The following ZNF480 variants were observed in gnomAD, a reference collection of about 807,000 sequenced individuals.
ZNF480 encodes zinc finger protein 480.
In ZNF480, 15 loss-of-function variants were observed where a neutral mutation model predicts 14.4. That is an observed-to-expected ratio of 1.04 (90% CI 0.70 to 1.60). The LOEUF (loss-of-function observed/expected upper bound fraction) is 1.60, where lower values mean the gene tolerates loss of function less well. Among genes scored for constraint, ZNF480 ranks in the 40% most tolerant of loss-of-function variants. The pLI is 0.00. For missense variants in ZNF480, 593 were observed against 629.7 expected (o/e 0.94, Z 0.62); for synonymous variants, 218 against 215.5 (o/e 1.01, Z -0.10).
At chr19:52,298,205 T>C (rs2122505970) in intron 1 of ZNF480, among the ~76,000 whole-genome samples, 1 of 150,882 alleles carries the variant, frequency 6.6e-6, no homozygotes, top group South Asian at 2.1e-4. Flanking sequence ...AGGAGTCAGC[T>C]GGTGACAACG....
At chr19:52,315,775 CAT>C in intron 3 of ZNF480, 57 bp from the exon 4 acceptor site, 1 of 1,558,960 alleles carries the variant, frequency 6.4e-7, no homozygotes. Flanking sequence ...CCTTCCTACA[CAT>C]AGGGCTTGGA....
rs1383686226 is a variant in ZNF480 at position 52,325,051 on chromosome 19, C to T, written c.*2193C>T. ...GATCTAATCCAGAATCTATAAAGAA[C>T]TCAAACAAATCAACAATGAGAAAAA... On this transcript the variant is annotated 3_prime_UTR_variant, in exon 5 of 5. Transcript: ENST00000595962. The T allele has an allele frequency of 2.0e-5, 3 of 152,076 alleles. No individual in the cohort carries two copies. The highest frequency in any genetic ancestry group is 7.2e-5 in the African/African-American group (3 of 41,418). 9.4% of individuals were successfully genotyped at this position (152,076 alleles called of 1,614,324 possible).
In ZNF480 at chr19:52,322,886, A is replaced by G. The variant is rs1798721995; in HGVS notation, c.*28A>G. 1.3e-6 allele frequency: 2 copies of G among 1,533,136 alleles called. No individual in the cohort carries two copies. Among genetic ancestry groups the G allele is most frequent in the African/African-American group, 2.7e-5 (2 of 72,850 alleles). 95.0% of individuals were successfully genotyped at this position (1,533,136 alleles called of 1,614,324 possible). A position where few individuals can be genotyped will look rare whatever the true frequency, so the allele number is the denominator to read the frequency against. On this transcript the variant is annotated 3_prime_UTR_variant, in exon 5 of 5. Transcript: ENST00000595962. The stretch of plus-strand genomic sequence containing the variant: ...ACTACAAATGCAACAAATGCGTCAA[A>G]GAATTTAGTGTGCACTCAAGCCTTA...
intron 4 of ZNF480, among the ~76,000 whole-genome samples, chr19:52,320,174 C>T (rs1352597762): frequency 6.6e-6 from 1 of 152,102 alleles, no homozygotes; most frequent in Non-Finnish European, 1.5e-5. Flanking sequence ...GGTGCTCTAT[C>T]CATCTGCTGT....
chr19:52,307,934 G>C (rs1266674914), intron 2 of ZNF480, among the ~76,000 whole-genome samples: 3 of 152,182 alleles, frequency 2.0e-5, no homozygotes, highest in African/African-American at 7.2e-5. Context: ...CATTGCTGCA[G>C]AAATCCTATT....
chr19:52,298,768 G>C (rs980704342), intron 1 of ZNF480, among the ~76,000 whole-genome samples: 2 of 151,860 alleles, frequency 1.3e-5, no homozygotes, highest in Non-Finnish European at 2.9e-5. Flanking sequence ...AAGGAAGAAG[G>C]GGAGAAACAT....
chr19:52,310,791 G>A (rs1189136958), intron 2 of ZNF480, among the ~76,000 whole-genome samples: 3 of 151,618 alleles, frequency 2.0e-5, no homozygotes, highest in Non-Finnish European at 4.4e-5. Flanking sequence ...ACGAGGTCAG[G>A]AGATCGAGAC....
intron 2 of ZNF480, among the ~76,000 whole-genome samples, chr19:52,302,335 T>C (rs1431257155): frequency 6.6e-6 from 1 of 152,256 alleles, no homozygotes; most frequent in Non-Finnish European, 1.5e-5. Flanking sequence ...AGTTGCATAA[T>C]TGCAGTTCCA....
intron 4 of ZNF480, among the ~76,000 whole-genome samples, chr19:52,319,521 G>A (rs1983707164): frequency 6.6e-6 from 1 of 152,098 alleles, no homozygotes; most frequent in Non-Finnish European, 1.5e-5. Flanking sequence ...CTCTGTCTTT[G>A]ATGTTTGATA....
Position 52,315,861 on chromosome 19 carries a change from A to C in ZNF480, c.227A>C (p.Asn76Thr). The change falls in exon 4 of 5, where the codon AAC becomes ACC. Residue 76 changes from asparagine to threonine, a missense_variant. Asn to Thr is a moderately conservative substitution (Grantham distance 65, BLOSUM62 0). Coordinates refer to ENST00000595962, the MANE Select transcript of ZNF480 (RefSeq NM_144684.4). ...LGISLPDLNI[N>T]SMLEQRREPW... Reference sequence around the variant, plus strand: ...ATCTCTCTTCCTGACCTGAATATTAACTCCATGTTGGAGCAAAGGAGGGAG... The same window carrying C: ...ATCTCTCTTCCTGACCTGAATATTACCTCCATGTTGGAGCAAAGGAGGGAG... The C allele has an allele frequency of 6.2e-7, 1 of 1,611,796 alleles. No homozygotes were observed. Among genetic ancestry groups the C allele is most frequent in the East Asian group, 2.2e-5 (1 of 44,850 alleles).
chr19:52,302,101 A>G, intron 2 of ZNF480: 1 of 243,750 alleles, frequency 4.1e-6, no homozygotes, highest in Non-Finnish European at 8.1e-6. Flanking sequence ...AGGTGTCTTA[A>G]TGGTATCCAA....
At position 52,322,650 on chromosome 19, in the gene ZNF480, A is replaced by C; in HGVS notation, c.1400A>C (p.Lys467Thr). ...GAATGTGGCAAGGCATTCAGACACA[A>C]GTTATCACTAACCAATCATCAGAGA... ...CSECGKAFRH[K>T]LSLTNHQRIH... is the part of the protein sequence containing the mutation. Residue 467 changes from lysine (K) to threonine (T), a missense_variant, in exon 5 of 5, where the codon AAG (lysine) becomes ACG (threonine). Coordinates refer to ENST00000595962, the MANE Select transcript of ZNF480 (RefSeq NM_144684.4). 1 of 1,613,958 alleles carries C rather than the reference A, an allele frequency of 6.2e-7. No individual in the cohort carries two copies. The highest frequency in any genetic ancestry group is 1.1e-5 in the South Asian group (1 of 91,080).
chr19:52,308,037 G>A lies in ZNF480; in HGVS notation c.73-6116G>A, dbSNP rs190288750. 4.0e-3 allele frequency among the ~76,000 whole-genome samples: 602 copies of A among 152,166 alleles called. 6 individuals carry two copies. The highest frequency in any genetic ancestry group is 0.014 in the Middle Eastern group (4 of 294). ...TAACCTCACTTAGATTCCATCTCCC[G>A]TTACCCAGTGACATGAACTGGGGAT... On this transcript the variant is annotated intron_variant, in intron 2 of 4. Transcript: ENST00000595962.
chr19:52,309,849 C>G (rs1443881502), intron 2 of ZNF480, among the ~76,000 whole-genome samples: 2 of 152,178 alleles, frequency 1.3e-5, no homozygotes, highest in Admixed American at 1.3e-4. Flanking sequence ...TCCTATTCCT[C>G]TGTCTTGCTG....
chr19:52,310,772 G>A (rs931444111), intron 2 of ZNF480, among the ~76,000 whole-genome samples: 59 of 151,686 alleles, frequency 3.9e-4, no homozygotes, highest in African/African-American at 1.2e-3. Context: ...AGGCCGAGGC[G>A]GGTGGATCAC....
In ZNF480 at chr19:52,321,939, C is replaced by A; in HGVS notation, c.689C>A (p.Pro230His). 6.2e-7 allele frequency: 1 copy of A among 1,614,072 alleles called. No individual in the cohort carries two copies. The highest frequency in any genetic ancestry group is 1.6e-4 in the Middle Eastern group (1 of 6,062). Reference protein sequence around the residue: ...KHQVIHTVEKPYKCNSCGKVF... With the variant: ...KHQVIHTVEKHYKCNSCGKVF... ...CAAGTAATCCATACTGTAGAGAAAC[C>A]TTACAAATGTAATTCATGCGGCAAG... The change falls in exon 5 of 5, where the codon CCT becomes CAT. Residue 230 changes from proline (P) to histidine (H), a missense_variant. By Grantham distance (77) the Pro-to-His change is moderately conservative. Coordinates refer to ENST00000595962, the MANE Select transcript of ZNF480 (RefSeq NM_144684.4).
Position 52,306,217 on chromosome 19 carries a change from G to A in ZNF480, c.72+5733G>A, listed in dbSNP as rs113450263. Among the ~76,000 whole-genome samples, 17 of 152,270 alleles carry A rather than the reference G, an allele frequency of 1.1e-4. No individual in the cohort carries two copies. The East Asian group carries it at 1.5e-3, about 14-fold the overall frequency. ...CAAAAACTAATAACCACAACACTAC[G>A]TCCTGAGCAGCTGAATCTGCAATCA... On this transcript the variant is annotated intron_variant, in intron 2 of 4. Transcript: ENST00000595962.
intron 2 of ZNF480, chr19:52,307,301 A>C (rs1288342945): frequency 6.6e-6 from 1 of 152,260 alleles, no homozygotes; most frequent in Non-Finnish European, 1.5e-5. Context: ...TTTTCTGAGG[A>C]GCTGCTGAAG....
chr19:52,316,056 TTTTG>T (rs765132857), intron 4 of ZNF480, 94 bp downstream of exon 4: 14 of 1,315,986 alleles, frequency 1.1e-5, no homozygotes, highest in South Asian at 4.4e-5. Flanking sequence ...ATGTTTGTAT[TTTTG>T]TTTGTTTTGT....
Sources: gnomAD v4.1 joint callset for allele counts (sites outside exome capture counted in the v4.1 genomes callset) on GRCh38, gnomAD v4.1.1 for gene constraint, MANE v1.5 for transcripts, NCBI Gene and HGNC (gene_info 2026-07-23, HGNC 2026-07-21) for gene names.